The following NXN variants were observed in gnomAD, a reference collection of about 807,000 sequenced individuals.
NXN encodes nucleoredoxin, also known as nucleoredoxin 1.
Under a neutral mutation model 48.6 loss-of-function variants are expected in NXN, and 16 were observed. The observed-to-expected ratio is 0.33, with a 90% CI of 0.22 to 0.50. The LOEUF is 0.50. NXN is among the 20% of genes least tolerant of loss of function. The pLI, the probability that NXN is intolerant of heterozygous loss-of-function variation, is 0.98. For missense variants in NXN, 492 were observed against 605.5 expected (o/e 0.81, Z 1.97); for synonymous variants, 281 against 269.6 (o/e 1.04, Z -0.41).
intron 1 of NXN, among the ~76,000 whole-genome samples, chr17:952,186 G>C (rs56017358): frequency 8.9e-6 from 1 of 112,762 alleles, no homozygotes; most frequent in Non-Finnish European, 2.1e-5. Flanking sequence ...GGGGGGCTGG[G>C]GTCAGAGAGA....
chr17:864,780 G>A (rs1021565998), intron 1 of NXN, among the ~76,000 whole-genome samples: 1 of 152,194 alleles, frequency 6.6e-6, no homozygotes, highest in Non-Finnish European at 1.5e-5. Flanking sequence ...AGGGGCAGAG[G>A]TGGGTAAAGT....
chr17:834,570 A>G (rs1913683023), intron 1 of NXN, among the ~76,000 whole-genome samples: 1 of 152,084 alleles, frequency 6.6e-6, no homozygotes, highest in South Asian at 2.1e-4. Context: ...ACCAACCACC[A>G]TGCCTGGCTA....
chr17:920,498 A>C lies in NXN; in HGVS notation c.360+58821T>G, dbSNP rs1230945173. On this transcript the variant is annotated intron_variant, in intron 1 of 7. Coordinates refer to ENST00000336868, the MANE Select transcript of NXN (RefSeq NM_022463.5). The surrounding 1 kb of genome is among the most constrained non-coding windows in gnomAD (Gnocchi z 4.6). ...CAGGGTTCCGCTCCCTCCCCAAGTG[A>C]CCAGCCCTCACCAGCTCACTCCAGC... Among the ~76,000 whole-genome samples the C allele has an allele frequency of 6.6e-6, 1 of 151,654 alleles. No homozygotes were observed. Among genetic ancestry groups the C allele is most frequent in the Non-Finnish European group, 1.5e-5 (1 of 67,912 alleles).
chr17:862,902 T>C (rs2068055319), intron 1 of NXN, among the ~76,000 whole-genome samples: 1 of 152,222 alleles, frequency 6.6e-6, no homozygotes, highest in Non-Finnish European at 1.5e-5. Flanking sequence ...AACGTATCAA[T>C]GCTACATTTC....
intron 5 of NXN, among the ~76,000 whole-genome samples, chr17:818,803 T>A (rs1053491853): frequency 2.2e-4 from 33 of 150,692 alleles, no homozygotes; most frequent in African/African-American, 7.9e-4. Flanking sequence ...GAGAATGGCG[T>A]GAACCCGGGA....
intron 1 of NXN, among the ~76,000 whole-genome samples, chr17:841,494 CGGCGCATCTCACACGGGCG>C (rs1914243568): frequency 1.4e-4 from 20 of 138,870 alleles, no homozygotes; most frequent in South Asian, 4.5e-4. Flanking sequence ...CCCCTGACCA[CGGCGCATCTCACACGGGCG>C]AGCAGGTCCC....
chr17:863,414 G>C (rs754851860), intron 1 of NXN, among the ~76,000 whole-genome samples: 1 of 152,076 alleles, frequency 6.6e-6, no homozygotes, highest in Non-Finnish European at 1.5e-5. Flanking sequence ...TGATCAGCCC[G>C]CCTCAGCCTC....
chr17:801,766 GTT>G (rs1911228787), intron 7 of NXN, among the ~76,000 whole-genome samples: 2 of 152,126 alleles, frequency 1.3e-5, no homozygotes, highest in South Asian at 4.1e-4. Context: ...GCCTCTGATT[GTT>G]TATTTTTGTA....
chr17:865,839 C>T (rs987803972), intron 1 of NXN, among the ~76,000 whole-genome samples: 12 of 151,970 alleles, frequency 7.9e-5, no homozygotes, highest in Non-Finnish European at 1.5e-4. Context: ...CAAAATTAGC[C>T]GAGCGTGGTA....
At chr17:953,249 T>C (rs1187211372) in intron 1 of NXN, among the ~76,000 whole-genome samples, 1 of 151,958 alleles carries the variant, frequency 6.6e-6, no homozygotes, top group Non-Finnish European at 1.5e-5. Context: ...ACCCCATCTC[T>C]ACCAAAAATA....
intron 1 of NXN, among the ~76,000 whole-genome samples, chr17:859,606 C>T (rs546059055): frequency 2.0e-5 from 3 of 152,124 alleles, no homozygotes; most frequent in African/African-American, 7.2e-5. Flanking sequence ...AACAGCTGCA[C>T]GGACGGGCCT....
chr17:813,989 G>A (rs1405036346), intron 5 of NXN, among the ~76,000 whole-genome samples: 1 of 151,478 alleles, frequency 6.6e-6, no homozygotes, highest in Non-Finnish European at 1.5e-5. Flanking sequence ...AGCCGGGCAC[G>A]GTGACTCATG....
intron 5 of NXN, among the ~76,000 whole-genome samples, chr17:812,812 G>C (rs1350033282): frequency 6.7e-6 from 1 of 148,486 alleles, no homozygotes; most frequent in African/African-American, 2.5e-5. Context: ...GTGAGTGTAG[G>C]TGTGTGTGCG....
At chr17:807,574 C>T (rs529450095) in intron 5 of NXN, among the ~76,000 whole-genome samples, 5 of 152,156 alleles carry the variant, frequency 3.3e-5, no homozygotes, top group East Asian at 3.9e-4. Context: ...GGCGAGGACA[C>T]GGAGCCCCCA....
intron 1 of NXN, among the ~76,000 whole-genome samples, chr17:889,312 G>A (rs117870628): frequency 9.8e-5 from 15 of 152,312 alleles, no homozygotes; most frequent in African/African-American, 3.4e-4. Context: ...TACCGTTGTC[G>A]AAACATACTG....
At chr17:843,643 G>C (rs1262081267) in intron 1 of NXN, among the ~76,000 whole-genome samples, 1 of 152,196 alleles carries the variant, frequency 6.6e-6, no homozygotes, top group African/African-American at 2.4e-5. Flanking sequence ...TGGAGTCAAA[G>C]GGACCCCATC....
intron 1 of NXN, among the ~76,000 whole-genome samples, chr17:971,239 C>T (rs865873373): frequency 1.3e-5 from 2 of 151,780 alleles, no homozygotes; most frequent in Admixed American, 6.6e-5. Context: ...AGCCACCGCG[C>T]GTGGCCGAGT....
intron 1 of NXN, among the ~76,000 whole-genome samples, chr17:928,008 G>A (rs1694847393): frequency 6.6e-6 from 1 of 151,922 alleles, no homozygotes; most frequent in South Asian, 2.1e-4. Flanking sequence ...CCTAGATAAA[G>A]GGAAACCACA....
At chr17:930,683 T>TA (rs1295005065) in intron 1 of NXN, among the ~76,000 whole-genome samples, 6 of 151,458 alleles carry the variant, frequency 4.0e-5, no homozygotes, top group Non-Finnish European at 8.8e-5. Flanking sequence ...GGATAAGGAG[T>TA]AAAGGCATAA....
Sources: gnomAD v4.1 joint callset for allele counts (sites outside exome capture counted in the v4.1 genomes callset) on GRCh38, gnomAD v4.1.1 for gene constraint, Gnocchi (gnomAD v3.1) non-coding constraint, MANE v1.5 for transcripts, NCBI Gene and HGNC (gene_info 2026-07-23, HGNC 2026-07-21) for gene names.